The following HECW1 variants were observed in gnomAD, a reference collection of about 807,000 sequenced individuals.
HECW1 encodes the protein E3 ubiquitin-protein ligase HECW1.
In HECW1, 61 loss-of-function variants were observed where a neutral mutation model predicts 182.3. The observed-to-expected ratio is 0.33, with a 90% CI of 0.27 to 0.41. The LOEUF is 0.41. Among genes scored for constraint, HECW1 ranks in the 10% least tolerant of loss-of-function variants. The probability of loss-of-function intolerance (pLI) is 1.00; values close to 1 mark genes in which losing one functional copy is unlikely to be tolerated. For synonymous variants in HECW1, 859 were observed against 832.6 expected, an observed-to-expected ratio of 1.03 and a Z score of -0.55; for missense variants, 1,739 against 2,108.9, an observed-to-expected ratio of 0.82 and a Z score of 3.44.
At chr7:43,180,540 T>C (rs1027961768) in intron 2 of HECW1, among the ~76,000 whole-genome samples, 3 of 151,910 alleles carry the variant, frequency 2.0e-5, no homozygotes, top group Non-Finnish European at 4.4e-5. Flanking sequence ...GGACTACAGG[T>C]GCCCGCCACC....
At chr7:43,344,645 A>C (rs1813441933) in intron 5 of HECW1, among the ~76,000 whole-genome samples, 1 of 151,636 alleles carries the variant, frequency 6.6e-6, no homozygotes, top group African/African-American at 2.4e-5. Flanking sequence ...TCAGTTACCT[A>C]TATTTTAGAC....
chr7:43,438,250 T>C (rs2076771742), intron 9 of HECW1, 105 bp downstream of exon 9: 2 of 911,370 alleles, frequency 2.2e-6, no homozygotes, highest in African/African-American at 3.4e-5. Context: ...AGAGTCAAAA[T>C]GGTATCATTA....
At chr7:43,382,573 T>C (rs1288895647) in intron 6 of HECW1, among the ~76,000 whole-genome samples, 1 of 152,240 alleles carries the variant, frequency 6.6e-6, no homozygotes, top group African/African-American at 2.4e-5. Context: ...AGTTACTGCC[T>C]ATAAGCAGGA....
At chr7:43,455,280 C>T (rs182818890) in intron 12 of HECW1, among the ~76,000 whole-genome samples, 23 of 152,282 alleles carry the variant, frequency 1.5e-4, no homozygotes, top group South Asian at 4.1e-4. Flanking sequence ...TTGACAGCTG[C>T]GTGTTGAATA....
intron 3 of HECW1, among the ~76,000 whole-genome samples, chr7:43,256,477 CAG>C (rs1233618571): frequency 6.6e-6 from 1 of 151,902 alleles, no homozygotes; most frequent in Non-Finnish European, 1.5e-5. Flanking sequence ...GCCGTGGTGG[CAG>C]GCGCCTGTAA....
chr7:43,255,990 A>C (rs1265048562), intron 3 of HECW1, among the ~76,000 whole-genome samples: 1 of 152,342 alleles, frequency 6.6e-6, no homozygotes, highest in South Asian at 2.1e-4. Flanking sequence ...ATTTAATATG[A>C]AGAGGTATGA....
chr7:43,408,553 G>C (rs774109574), intron 8 of HECW1, among the ~76,000 whole-genome samples: 3 of 152,080 alleles, frequency 2.0e-5, no homozygotes, highest in Non-Finnish European at 4.4e-5. Flanking sequence ...GAGCCTGGCG[G>C]TGTGTGCCTG....
chr7:43,536,315 C>T (rs1032587600), intron 24 of HECW1, among the ~76,000 whole-genome samples: 1 of 152,202 alleles, frequency 6.6e-6, no homozygotes, highest in African/African-American at 2.4e-5. Flanking sequence ...TCAGAATCTC[C>T]TGGGAGGTTT....
At chr7:43,183,734 G>A (rs948854101) in intron 2 of HECW1, among the ~76,000 whole-genome samples, 12 of 152,104 alleles carry the variant, frequency 7.9e-5, no homozygotes, top group African/African-American at 2.7e-4. Flanking sequence ...CAAATTGAAT[G>A]TTGTTTGATA....
chr7:43,553,367 C>T (rs944025988), intron 28 of HECW1, among the ~76,000 whole-genome samples: 1 of 152,094 alleles, frequency 6.6e-6, no homozygotes, highest in African/African-American at 2.4e-5. Flanking sequence ...AGTATAAAAT[C>T]GGTATAGAAT....
intron 24 of HECW1, among the ~76,000 whole-genome samples, chr7:43,526,813 C>A (rs2080775893): frequency 6.6e-6 from 1 of 152,120 alleles, no homozygotes; most frequent in Non-Finnish European, 1.5e-5. Context: ...CTACCCTGGG[C>A]AACATAGCAA....
intron 5 of HECW1, among the ~76,000 whole-genome samples, chr7:43,326,869 G>A (rs902801091): frequency 1.3e-5 from 2 of 152,224 alleles, no homozygotes; most frequent in East Asian, 1.9e-4. Flanking sequence ...GTTTCCCTGC[G>A]GCGAAGCAGC....
intron 3 of HECW1, among the ~76,000 whole-genome samples, chr7:43,301,165 T>A (rs1806723703): frequency 6.6e-6 from 1 of 151,568 alleles, no homozygotes; most frequent in African/African-American, 2.4e-5. Context: ...GGAGACCCCT[T>A]TCACACACTT....
At chr7:43,338,928 A>G (rs1812625847) in intron 5 of HECW1, among the ~76,000 whole-genome samples, 1 of 152,138 alleles carries the variant, frequency 6.6e-6, no homozygotes, top group African/African-American at 2.4e-5. Context: ...TTTCACCTAT[A>G]GTTTTGAAGA....
At chr7:43,281,713 CTTTTTTTTTTTTTTT>C (rs55860415) in intron 3 of HECW1, among the ~76,000 whole-genome samples, 1 of 77,348 alleles carries the variant, frequency 1.3e-5, no homozygotes, top group Non-Finnish European at 2.4e-5. Flanking sequence ...TCTTTGCTTT[CTTTTTTTTTTTTTTT>C]TTTTTTTTTT....
chr7:43,332,490 A>C (rs1304407330), intron 5 of HECW1, among the ~76,000 whole-genome samples: 1 of 152,196 alleles, frequency 6.6e-6, no homozygotes, highest in African/African-American at 2.4e-5. Context: ...TTGGCAGGCA[A>C]GAATATGGGG....
intron 3 of HECW1, among the ~76,000 whole-genome samples, chr7:43,269,036 A>G (rs1802093728): frequency 6.6e-6 from 1 of 151,504 alleles, no homozygotes; most frequent in Non-Finnish European, 1.5e-5. Flanking sequence ...CCCTCTACCC[A>G]CTCTCTCATG....
At chr7:43,399,462 G>A (rs1380722061) in intron 7 of HECW1, among the ~76,000 whole-genome samples, 1 of 152,238 alleles carries the variant, frequency 6.6e-6, no homozygotes, top group Non-Finnish European at 1.5e-5. Context: ...GTAGAAACCA[G>A]GAATACTGCA....
Position 43,361,057 on chromosome 7 carries a change from C to CGTGTGTGTGTGT in HECW1, c.555+98_555+109dup, listed in dbSNP as rs3032904. 1.3e-5 allele frequency: 8 copies of CGTGTGTGTGTGT among 638,024 alleles called. No individual in the cohort carries two copies. In the African/African-American group the frequency reaches 1.5e-4, roughly 12 times the overall value. 39.5% of individuals were successfully genotyped at this position (638,024 alleles called of 1,614,324 possible). On this transcript the variant is annotated intron_variant, in intron 6 of 29. Coordinates refer to ENST00000395891, the MANE Select transcript of HECW1 (RefSeq NM_015052.5). ...CTTTCCTATTTTGTTCTTGTGCGTG[C>CGTGTGTGTGTGT]GTGTGTGTGTGTGTGTGTGTGTGTG...
Sources: gnomAD v4.1 joint callset for allele counts (sites outside exome capture counted in the v4.1 genomes callset) on GRCh38, gnomAD v4.1.1 for gene constraint, MANE v1.5 for transcripts, NCBI Gene and HGNC (gene_info 2026-07-23, HGNC 2026-07-21) for gene names.